ANK3: variants seen among roughly 807,000 people sequenced by gnomAD.
ANK3 encodes the protein ankyrin 3, also known as ankyrin-3.
In ANK3, 57 loss-of-function variants were observed where a neutral mutation model predicts 370.9. That is an observed-to-expected ratio of 0.15 (90% CI 0.12 to 0.19). The LOEUF (loss-of-function observed/expected upper bound fraction) is 0.19. ANK3 is among the 10% of genes least tolerant of loss of function. ANK3 has a pLI of 1.00. For missense variants in ANK3, 4,439 were observed against 5,302.1 expected, an observed-to-expected ratio of 0.84 and a Z score of 5.06; for synonymous variants, 1,929 against 1,946.3, an observed-to-expected ratio of 0.99 and a Z score of 0.23.
chr10:60,289,909 T>G (rs1404861087), intron 1 of ANK3, among the ~76,000 whole-genome samples: 1 of 152,186 alleles, frequency 6.6e-6, no homozygotes, highest in Admixed American at 6.5e-5. Flanking sequence ...TTCTTCTGTG[T>G]TTAAGGCTTT....
chr10:60,080,403 G>A (rs964573422), intron 36 of ANK3, 134 bp downstream of exon 36: 3 of 730,326 alleles, frequency 4.1e-6, no homozygotes, highest in Non-Finnish European at 6.9e-6. Flanking sequence ...TACTTAGGTT[G>A]TATGACAGGG....
intron 2 of ANK3, among the ~76,000 whole-genome samples, chr10:60,576,333 C>A (rs1488700848): frequency 6.6e-6 from 1 of 152,172 alleles, no homozygotes; most frequent in African/African-American, 2.4e-5. Context: ...TAAGAGGACA[C>A]CAACCAGGGC....
rs774470305 is a variant in ANK3 at position 60,029,750 on chromosome 10, A to G, written c.*96T>C. On this transcript the variant is annotated 3_prime_UTR_variant, in exon 44 of 44. Transcript: ENST00000280772. ...GTGTGGAAGCAGCGAACACACACAC[A>G]CTTCTCGGTGAATTTTTACTTCCTG... 1.3e-5 allele frequency: 2 copies of G among 149,724 alleles called. No homozygotes were observed. Among genetic ancestry groups the G allele is most frequent in the Non-Finnish European group, 3.0e-5 (2 of 67,254 alleles). 9.3% of individuals were successfully genotyped at this position (149,724 alleles called of 1,614,324 possible).
chr10:60,468,257 T>G (rs1478043375), intron 2 of ANK3, among the ~76,000 whole-genome samples: 1 of 152,120 alleles, frequency 6.6e-6, no homozygotes, highest in Admixed American at 6.6e-5. Context: ...GTGCTGGAAT[T>G]ACAGGCAGGA....
intron 1 of ANK3, among the ~76,000 whole-genome samples, chr10:60,311,704 C>T (rs2046391826): frequency 6.6e-6 from 1 of 152,120 alleles, no homozygotes; most frequent in South Asian, 2.1e-4. Flanking sequence ...TGTATTCCTC[C>T]CTCAGAGAAT....
At chr10:60,709,062 G>T (rs1302407984) in intron 1 of ANK3, among the ~76,000 whole-genome samples, 1 of 152,014 alleles carries the variant, frequency 6.6e-6, no homozygotes, top group Non-Finnish European at 1.5e-5. Flanking sequence ...CATTGTGTCT[G>T]GCTATCAAAA....
At chr10:60,077,421 A>G (rs2084086169) in intron 36 of ANK3, among the ~76,000 whole-genome samples, 2 of 152,236 alleles carry the variant, frequency 1.3e-5, no homozygotes, top group Non-Finnish European at 2.9e-5. Flanking sequence ...AAGCCAATGA[A>G]GTAATACAAT....
intron 2 of ANK3, among the ~76,000 whole-genome samples, chr10:60,586,483 G>A (rs951219331): frequency 2.0e-5 from 3 of 152,100 alleles, no homozygotes; most frequent in Non-Finnish European, 4.4e-5. Context: ...TAATGTGATG[G>A]AAGATACTAT....
Position 60,600,209 on chromosome 10 carries a change from T to A in ANK3, c.96+14977A>T, listed in dbSNP as rs75850022. On this transcript the variant is annotated intron_variant, in intron 2 of 43. Transcript: ENST00000373827. ...TGAAGAATTTAGGATTCTGTACTCA[T>A]ACAGTGTCTTGGACAATGACACTGT... Among the ~76,000 whole-genome samples the A allele has an allele frequency of 7.9e-3, 1,198 of 152,330 alleles. 14 individuals are homozygous for A. Among genetic ancestry groups the A allele is most frequent in the African/African-American group, 0.024 (999 of 41,564 alleles).
intron 17 of ANK3, among the ~76,000 whole-genome samples, chr10:60,186,345 G>GTCTT (rs1555089805): frequency 8.5e-6 from 1 of 117,746 alleles, no homozygotes; most frequent in Non-Finnish European, 1.8e-5. Context: ...TTATCTTTCT[G>GTCTT]TCTTTTTTTT....
At chr10:60,216,588 A>C (rs2096940816) in intron 8 of ANK3, among the ~76,000 whole-genome samples, 1 of 152,160 alleles carries the variant, frequency 6.6e-6, no homozygotes, top group Non-Finnish European at 1.5e-5. Flanking sequence ...CTTAAGTTGA[A>C]CCAGCCTTGC....
At position 60,275,871 on chromosome 10, in the gene ANK3, G is replaced by A. The variant is rs111227973; in HGVS notation, c.414+2903C>T. ...AGACAGAGAAGGAGAGAAGAGTGGG[G>A]GATGTCATTTGACTGTGCAGTTTGA... On this transcript the variant is annotated intron_variant, in intron 4 of 43. Transcript: ENST00000280772. Among the ~76,000 whole-genome samples, 772 of 152,192 alleles carry A rather than the reference G, an allele frequency of 5.1e-3. 5 individuals are homozygous for A. The highest frequency in any genetic ancestry group is 0.017 in the African/African-American group (721 of 41,522).
intron 1 of ANK3, among the ~76,000 whole-genome samples, chr10:60,694,830 CT>C (rs1402104612): frequency 6.6e-6 from 1 of 150,502 alleles, no homozygotes; most frequent in African/African-American, 2.5e-5. Flanking sequence ...TAGGAAGAAA[CT>C]GCATCAACTA....
At chr10:60,254,836 T>G (rs2097713500) in intron 7 of ANK3, among the ~76,000 whole-genome samples, 4 of 152,210 alleles carry the variant, frequency 2.6e-5, no homozygotes. Context: ...AAAGCAGGTT[T>G]GTATAGGTGC....
intron 1 of ANK3, among the ~76,000 whole-genome samples, chr10:60,642,687 G>A (rs1227562410): frequency 2.0e-5 from 3 of 152,038 alleles, no homozygotes; most frequent in African/African-American, 7.3e-5. Flanking sequence ...TAAAGGACGA[G>A]TTAATGGGTG....
Position 60,306,731 on chromosome 10 carries a change from G to A in ANK3, c.115-27092C>T, listed in dbSNP as rs537961372. On this transcript the variant is annotated intron_variant, in intron 1 of 43. Coordinates refer to ENST00000280772, the MANE Select transcript of ANK3 (RefSeq NM_020987.5). ...TGAACCTCATCATTTTTGAGATGAA[G>A]AAACAAAAGCCCAGAGTGATTGCAT... Among the ~76,000 whole-genome samples the A allele has an allele frequency of 2.6e-5, 4 of 152,196 alleles. 1 individual carries two copies. Among genetic ancestry groups the A allele is most frequent in the Admixed American group, 2.6e-4 (4 of 15,298 alleles).
intron 2 of ANK3, among the ~76,000 whole-genome samples, chr10:60,613,884 G>A (rs1299873064): frequency 1.3e-5 from 2 of 152,150 alleles, no homozygotes; most frequent in Non-Finnish European, 2.9e-5. Context: ...GACCAGCCTG[G>A]CCAACCTGGC....
chr10:60,607,736 C>T (rs957770656), intron 2 of ANK3, among the ~76,000 whole-genome samples: 1 of 152,126 alleles, frequency 6.6e-6, no homozygotes, highest in Non-Finnish European at 1.5e-5. Context: ...TATGTCTTTG[C>T]TGGTTAGAAT....
intron 7 of ANK3, among the ~76,000 whole-genome samples, chr10:60,259,728 A>G (rs1347454429): frequency 6.6e-6 from 1 of 152,228 alleles, no homozygotes; most frequent in East Asian, 1.9e-4. Context: ...GCACAAAGAC[A>G]AACTTCAAAC....
Sources: allele counts gnomAD v4.1 joint callset (sites outside exome capture counted in the v4.1 genomes callset), GRCh38; gene constraint gnomAD v4.1.1; transcripts MANE v1.5; gene names NCBI Gene and HGNC (gene_info 2026-07-23, HGNC 2026-07-21).